Variants in PHF23 observed in about 807,000 individuals in gnomAD.
PHF23 encodes the protein PDH-containing protein JUNE-1.
A neutral mutation model predicts 36.0 loss-of-function variants in PHF23; 3 were observed. The ratio of observed to expected loss-of-function variants is 0.08; its 90% confidence interval spans 0.04 to 0.22. The LOEUF (loss-of-function observed/expected upper bound fraction) is 0.22. PHF23 is among the 10% of genes least tolerant of loss of function. PHF23 has a pLI of 1.00. For synonymous variants in PHF23, 242 were observed against 192.5 expected (o/e 1.26, Z -2.13); for missense variants, 475 against 513.6 (o/e 0.92, Z 0.73).
rs2071644491 is a variant in PHF23 at position 7,235,749 on chromosome 17, G to A, written c.1089C>T (p.Ile363=). ...MIECSLCGTW[I]HLSCAKIKKT... Reference sequence around the variant, plus strand: ...TCTTAATCTTAGCACAGGAGAGGTGGATCCACGTCCCACACAGGCTGCACT... The same window carrying A: ...TCTTAATCTTAGCACAGGAGAGGTGAATCCACGTCCCACACAGGCTGCACT... Residue 363 remains isoleucine (I), a synonymous_variant, in exon 5 of 5, where the codon ATC becomes ATT. Transcript: ENST00000320316. The A allele has an allele frequency of 6.2e-7, 1 of 1,614,094 alleles. No homozygotes were observed. Among genetic ancestry groups the A allele is most frequent in the Non-Finnish European group, 8.5e-7 (1 of 1,180,036 alleles).
In PHF23 at chr17:7,236,131, C is replaced by T; in HGVS notation, c.796G>A (p.Val266Ile). Reference protein sequence around the residue: ...EEEEEEMATVVGGEAPVPVLP... With the variant: ...EEEEEEMATVIGGEAPVPVLP... ...ACAGGGACTGGGGCTTCACCCCCTA[C>T]CACTGTTGCCATCTCTTCTTCTTCT... The change falls in exon 4 of 5, where the codon GTA becomes ATA. Residue 266 changes from valine (V) to isoleucine (I), a missense_variant. Around this residue, in one of 5 missense-constraint regions of PHF23, gnomAD observed 350 missense variants for 319.8 expected, o/e 1.09. Transcript: ENST00000320316. This position sits in a 1 kb window ranked among gnomAD's most constrained non-coding sequence, Gnocchi z 5.1. 3 of 1,610,978 alleles carry T rather than the reference C, an allele frequency of 1.9e-6. No homozygotes were observed. The highest frequency in any genetic ancestry group is 2.5e-6 in the Non-Finnish European group (3 of 1,178,356).
chr17:7,236,549 G>A lies in PHF23; in HGVS notation c.378C>T (p.Thr126=). ...CCTTGAGCTTCATCTTCTCAAGCAA[G>A]GTAGCACTGTCGGGGGCCTGCAGAC... is the stretch of plus-strand genomic sequence containing the variant. ...FSRLQAPDSA[T]LLEKMKLKDS... Residue 126 remains threonine, a synonymous_variant, in exon 4 of 5, where the codon ACC becomes ACT. Coordinates refer to ENST00000320316, the MANE Select transcript of PHF23 (RefSeq NM_024297.3). The surrounding 1 kb of genome is among the most constrained non-coding windows in gnomAD (Gnocchi z 5.1). 1 of 1,614,170 alleles carries A rather than the reference G, an allele frequency of 6.2e-7. No homozygotes were observed. Among genetic ancestry groups the A allele is most frequent in the Non-Finnish European group, 8.5e-7 (1 of 1,180,038 alleles).
chr17:7,235,446 A>G lies in PHF23; in HGVS notation c.*180T>C. 3 of 647,248 alleles carry G rather than the reference A, an allele frequency of 4.6e-6. No individual in the cohort carries two copies. The highest frequency in any genetic ancestry group is 5.5e-5 in the East Asian group (2 of 36,514). 40.1% of individuals were successfully genotyped at this position (647,248 alleles called of 1,614,324 possible). The stretch of plus-strand genomic sequence containing the variant: ...GTAATGGATTCAATTTCAAGTCCAC[A>G]GAGTGGGGAGGAAGGATAGGGTGGG... On this transcript the variant is annotated 3_prime_UTR_variant, in exon 5 of 5. Transcript: ENST00000320316.
Position 7,236,525 on chromosome 17 carries a change from C to T in PHF23, c.402G>A (p.Lys134=). ...GCCCATCCAGATCAAAGAGAGAGTC[C>T]TTGAGCTTCATCTTCTCAAGCAAGG... ...SATLLEKMKL[K]DSLFDLDGPK... is the part of the protein sequence containing the mutation. Residue 134 remains lysine, a synonymous_variant, in exon 4 of 5, where the codon AAG becomes AAA. Coordinates refer to ENST00000320316, the MANE Select transcript of PHF23 (RefSeq NM_024297.3). This position sits in a 1 kb window ranked among gnomAD's most constrained non-coding sequence, Gnocchi z 5.1. 1 of 1,614,152 alleles carries T rather than the reference C, an allele frequency of 6.2e-7. No individual in the cohort carries two copies. Among genetic ancestry groups the T allele is most frequent in the Middle Eastern group, 1.6e-4 (1 of 6,062 alleles).
chr17:7,238,782 C>T, intron 1 of PHF23: 1 of 1,534,724 alleles, frequency 6.5e-7, no homozygotes, highest in Non-Finnish European at 8.7e-7. Flanking sequence ...AACTACCTGC[C>T]CACCTCTCCG....
chr17:7,238,583 C>A (rs1263945848), intron 1 of PHF23: 14 of 1,145,644 alleles, frequency 1.2e-5, no homozygotes, highest in Non-Finnish European at 1.3e-5. Context: ...AACTCCCAGG[C>A]TCTTAACCCT....
chr17:7,239,102 G>T (rs1660172786), intron 1 of PHF23, 144 bp downstream of exon 1: 2 of 1,048,544 alleles, frequency 1.9e-6, no homozygotes, highest in Non-Finnish European at 1.4e-6. Context: ...CTCTCAACTC[G>T]TCGCTCTCCC....
Position 7,236,309 on chromosome 17 carries a change from A to C in PHF23, c.618T>G (p.Pro206=). The change falls in exon 4 of 5, where the codon CCT becomes CCG. Residue 206 remains proline, a synonymous_variant. Transcript: ENST00000320316. This position sits in a 1 kb window ranked among gnomAD's most constrained non-coding sequence, Gnocchi z 5.1. Reference sequence around the variant, plus strand: ...TTCGAGATCTCTTTTCCCCATCCCCAGGAGTTGGCCGAGGCCTCCGAAGCA... The same window carrying C: ...TTCGAGATCTCTTTTCCCCATCCCCCGGAGTTGGCCGAGGCCTCCGAAGCA... ...FGVLRRPRPT[P]GDGEKRSRIK... is the part of the protein sequence containing the mutation. The C allele has an allele frequency of 6.2e-7, 1 of 1,613,884 alleles. No individual in the cohort carries two copies.
intron 1 of PHF23, chr17:7,237,866 C>A: frequency 8.3e-6 from 5 of 600,412 alleles, no homozygotes; most frequent in Non-Finnish European, 8.8e-6. Context: ...TCTGAGGCCT[C>A]GCTATAGCGC....
upstream of PHF23, chr17:7,239,459 C>A (rs1293577130): frequency 6.7e-6 from 3 of 445,766 alleles, no homozygotes; most frequent in South Asian, 8.2e-5. Context: ...TCCCGCACTC[C>A]CGGACCGGGC....
rs907694381 is a variant in PHF23, at chr17:7,235,391, C to T, written c.*235G>A. 5.5e-6 allele frequency: 3 copies of T among 546,954 alleles called. No individual in the cohort carries two copies. The highest frequency in any genetic ancestry group is 9.8e-6 in the Non-Finnish European group (3 of 304,702). The allele number at this position is 546,954 out of a possible 1,614,324, so 33.9% of individuals were successfully genotyped here. A position where few individuals can be genotyped will look rare whatever the true frequency, so the allele number is the denominator to read the frequency against. ...GGTCCAAGAGACAGAGATTATGTGT[C>T]GGGACACAGACAGCCTCCCATCCCC... On this transcript the variant is annotated 3_prime_UTR_variant, in exon 5 of 5. Coordinates refer to ENST00000320316, the MANE Select transcript of PHF23 (RefSeq NM_024297.3).
In PHF23 at chr17:7,237,808, CG is replaced by C. The variant is rs1166507652; in HGVS notation, c.35-149del. ...GCCCCCAGCTGTGTTGGATCCGCCCCGGCTCCCCCTTCCGCCCCGCGAGGGG... is the reference window on the plus strand; with the variant it reads ...GCCCCCAGCTGTGTTGGATCCGCCCCGCTCCCCCTTCCGCCCCGCGAGGGG... On this transcript the variant is annotated intron_variant, in intron 1 of 4. Transcript: ENST00000320316. 5 of 899,100 alleles carry C rather than the reference CG, an allele frequency of 5.6e-6. No individual in the cohort carries two copies. In the African/African-American group the frequency reaches 6.8e-5, roughly 12 times the overall value. 55.7% of individuals were successfully genotyped at this position (899,100 alleles called of 1,614,324 possible).
Position 7,235,970 on chromosome 17 carries a change from G to A in PHF23, c.957C>T (p.Gly319=), listed in dbSNP as rs529223202. ...SQDGDASSSE[G]EMRVMDEDIM... is the part of the protein sequence containing the mutation. Reference sequence around the variant, plus strand: ...TGTCCTCGTCCATGACCCGCATCTCGCCTTCACTGGAGCTGGCATCTCCAT... The same window carrying A: ...TGTCCTCGTCCATGACCCGCATCTCACCTTCACTGGAGCTGGCATCTCCAT... The change falls in exon 4 of 5, where the codon GGC becomes GGT. Residue 319 remains glycine (G), a synonymous_variant. Transcript: ENST00000320316. 1.2e-4 allele frequency: 199 copies of A among 1,612,724 alleles called. No individual in the cohort carries two copies. In the South Asian group the frequency reaches 2.0e-3, roughly 16 times the overall value.
rs1209580465 is a variant in PHF23, at chr17:7,236,462, T to C, written c.465A>G (p.Thr155=). The change falls in exon 4 of 5, where the codon ACA becomes ACG. Residue 155 remains threonine, a synonymous_variant. Coordinates refer to ENST00000320316, the MANE Select transcript of PHF23 (RefSeq NM_024297.3). This position sits in a 1 kb window ranked among gnomAD's most constrained non-coding sequence, Gnocchi z 5.1. ...VASPLSPTSL[T]HTSRPPAALT... ...GAGCAGCAGGGGGCCGGGAGGTATG[T>C]GTCAGGGATGTGGGGGACAAAGGAG... 6.2e-7 allele frequency: 1 copy of C among 1,613,786 alleles called. No individual in the cohort carries two copies. The highest frequency in any genetic ancestry group is 1.7e-5 in the Admixed American group (1 of 60,018).
chr17:7,237,735 T>C, intron 1 of PHF23, 75 bp from the exon 2 acceptor site: 1 of 1,549,042 alleles, frequency 6.5e-7, no homozygotes, highest in Non-Finnish European at 8.9e-7. Flanking sequence ...ACCCCGTTGT[T>C]CCTAAGTGAA....
In PHF23 at chr17:7,235,561, G is replaced by A; in HGVS notation, c.*65C>T. 2 of 1,528,334 alleles carry A rather than the reference G, an allele frequency of 1.3e-6. No individual in the cohort carries two copies. Among genetic ancestry groups the A allele is most frequent in the Non-Finnish European group, 9.0e-7 (1 of 1,114,852 alleles). 94.7% of individuals were successfully genotyped at this position (1,528,334 alleles called of 1,614,324 possible). On this transcript the variant is annotated 3_prime_UTR_variant, in exon 5 of 5. Transcript: ENST00000320316. ...ATCCAAGCTCCAGGGGATAGGCTGAGGACCCTGAGGCTCAGTTCCCAAATC... is the reference window on the plus strand; with the variant it reads ...ATCCAAGCTCCAGGGGATAGGCTGAAGACCCTGAGGCTCAGTTCCCAAATC...
At chr17:7,237,537 A>G in intron 2 of PHF23, 60 bp from the exon 3 acceptor site, 2 of 1,605,372 alleles carry the variant, frequency 1.2e-6, no homozygotes, top group Non-Finnish European at 1.7e-6. Context: ...TGGCATTCCC[A>G]GAAACACAGT....
Position 7,236,860 on chromosome 17 carries a change from C to A in PHF23, c.160-93G>T. 1 of 1,490,484 alleles carries A rather than the reference C, an allele frequency of 6.7e-7. No homozygotes were observed. Among genetic ancestry groups the A allele is most frequent in the Admixed American group, 2.4e-5 (1 of 41,350 alleles). The allele number at this position is 1,490,484 out of a possible 1,614,324, so 92.3% of individuals were successfully genotyped here. A position where few individuals can be genotyped will look rare whatever the true frequency, so the allele number is the denominator to read the frequency against. On this transcript the variant is annotated intron_variant, in intron 3 of 4. Coordinates refer to ENST00000320316, the MANE Select transcript of PHF23 (RefSeq NM_024297.3). The surrounding 1 kb of genome is among the most constrained non-coding windows in gnomAD (Gnocchi z 5.1). ...CTTGAAAAGGAGTGACTGGATTTAC[C>A]CCAAAATGTCCTACCTCAACCACTA...
intron 1 of PHF23, chr17:7,238,725 C>G: frequency 6.7e-7 from 1 of 1,502,240 alleles, no homozygotes; most frequent in Non-Finnish European, 8.8e-7. Flanking sequence ...CCCCCCGGTA[C>G]AGGTCCGTCT....
Sources: gnomAD v4.1 joint callset for allele counts on GRCh38, gnomAD v4.1.1 for gene constraint, gnomAD v4.1.1 regional missense constraint, Gnocchi (gnomAD v3.1) non-coding constraint, MANE v1.5 for transcripts, NCBI Gene and HGNC (gene_info 2026-07-23, HGNC 2026-07-21) for gene names.